The following PDE4D variants were observed in gnomAD, a reference collection of about 807,000 sequenced individuals.
The protein encoded by PDE4D is phosphodiesterase 4D.
PDE4D carries 24 observed loss-of-function variants against 87.4 expected under a neutral mutation model. The ratio of observed to expected loss-of-function variants is 0.27; its 90% confidence interval spans 0.20 to 0.39. The LOEUF (loss-of-function observed/expected upper bound fraction) is 0.39, where lower values mean the gene tolerates loss of function less well. Among genes scored for constraint, PDE4D ranks in the 10% least tolerant of loss-of-function variants. PDE4D has a pLI of 1.00. For missense variants in PDE4D, 714 were observed against 1,041.0 expected (o/e 0.69, Z 4.32); for synonymous variants, 384 against 383.2 (o/e 1.00, Z -0.02).
Position 60,393,350 on chromosome 5 carries a change from G to A in PDE4D, c.-90+94592C>T, listed in dbSNP as rs549584976. The stretch of plus-strand genomic sequence containing the variant: ...TAAGCCAAGAGAGTCTTTAAGCATC[G>A]CACATTGTGTCCAATACTTGAGGTG... On this transcript the variant is annotated intron_variant, in intron 1 of 16. Transcript: ENST00000502484. Among the ~76,000 whole-genome samples the A allele has an allele frequency of 2.6e-5, 4 of 152,210 alleles. No individual in the cohort carries two copies. In the South Asian group the frequency reaches 6.2e-4, roughly 24 times the overall value.
intron 13 of PDE4D, 99 bp downstream of exon 13, chr5:58,976,251 G>A (rs1743755178): frequency 1.6e-6 from 2 of 1,273,608 alleles, no homozygotes; most frequent in Non-Finnish European, 1.1e-6. Flanking sequence ...AGTATAAGGT[G>A]GGAGAAGGAA....
intron 1 of PDE4D, chr5:59,768,191 C>T: frequency 6.3e-7 from 1 of 1,579,160 alleles, no homozygotes. Flanking sequence ...GGCGCGAGAG[C>T]AGGACTCCCT....
intron 1 of PDE4D, among the ~76,000 whole-genome samples, chr5:59,322,085 A>G (rs1774822600): frequency 6.6e-6 from 1 of 152,162 alleles, no homozygotes; most frequent in African/African-American, 2.4e-5. Flanking sequence ...AATCTTAGGA[A>G]AATTATGCCT....
chr5:59,967,903 A>C (rs985014777), intron 3 of PDE4D, among the ~76,000 whole-genome samples: 1 of 152,018 alleles, frequency 6.6e-6, no homozygotes, highest in African/African-American at 2.4e-5. Flanking sequence ...ATACTATAGA[A>C]TACTATGCAA....
chr5:59,140,506 T>G (rs1244794451), intron 5 of PDE4D, among the ~76,000 whole-genome samples: 1 of 152,192 alleles, frequency 6.6e-6, no homozygotes, highest in African/African-American at 2.4e-5. Flanking sequence ...AAATACAGAT[T>G]CTTATGTACA....
At chr5:60,416,228 A>G (rs1742535101) in intron 1 of PDE4D, among the ~76,000 whole-genome samples, 1 of 152,196 alleles carries the variant, frequency 6.6e-6, no homozygotes, top group Non-Finnish European at 1.5e-5. Context: ...AAAACAGACC[A>G]ATCAGCTCTC....
chr5:59,697,522 C>T (rs767862417), intron 1 of PDE4D, among the ~76,000 whole-genome samples: 6 of 152,170 alleles, frequency 3.9e-5, no homozygotes, highest in Middle Eastern at 3.2e-3. Context: ...GCACTACATA[C>T]ACCAACACTT....
chr5:59,280,649 G>A (rs1328676369), intron 1 of PDE4D, among the ~76,000 whole-genome samples: 1 of 151,966 alleles, frequency 6.6e-6, no homozygotes, highest in Non-Finnish European at 1.5e-5. Flanking sequence ...TGTAAATAAT[G>A]TAAACAAAGA....
chr5:59,629,260 C>T (rs1334753602), intron 1 of PDE4D, among the ~76,000 whole-genome samples: 1 of 152,012 alleles, frequency 6.6e-6, no homozygotes, highest in African/African-American at 2.4e-5. Flanking sequence ...ATGTTGAAGC[C>T]TAACCTCTCA....
Position 59,180,660 on chromosome 5 carries a change from A to T in PDE4D, c.759-16T>A. ...GGGTGATCTTCTGACAAAGACAGAAAAACACAAAGCAGTAAATATGTGGGG... is the reference window on the plus strand; with the variant it reads ...GGGTGATCTTCTGACAAAGACAGAATAACACAAAGCAGTAAATATGTGGGG... On this transcript the variant is annotated splice_polypyrimidine_tract_variant and intron_variant, in intron 4 of 14. Transcript: ENST00000340635. 1 of 1,611,656 alleles carries T rather than the reference A, an allele frequency of 6.2e-7. No homozygotes were observed. The highest frequency in any genetic ancestry group is 1.1e-5 in the South Asian group (1 of 90,616).
chr5:59,749,531 G>A lies in PDE4D; in HGVS notation c.455+143637C>T, dbSNP rs374912969. ...CGCCCAAAGTGCTGGGATTACAGCC[G>A]TGAGCCACCATGCCCAGCCACTTAT... On this transcript the variant is annotated intron_variant, in intron 1 of 14. Transcript: ENST00000340635. Among the ~76,000 whole-genome samples the A allele has an allele frequency of 2.6e-4, 40 of 152,190 alleles. 1 individual carries two copies. In the South Asian group the frequency reaches 5.0e-3, roughly 19 times the overall value.
chr5:59,275,304 A>G, intron 1 of PDE4D: 1 of 1,544,480 alleles, frequency 6.5e-7, no homozygotes, highest in Non-Finnish European at 8.8e-7. Context: ...CTTAAAAGAG[A>G]AAAGGGGAAA....
At chr5:59,669,820 T>C (rs1434934826) in intron 1 of PDE4D, among the ~76,000 whole-genome samples, 4 of 152,314 alleles carry the variant, frequency 2.6e-5, no homozygotes, top group African/African-American at 9.6e-5. Flanking sequence ...TTTCTTCCTT[T>C]TTCACTTGAG....
chr5:60,472,737 T>TTG, intron 1 of PDE4D, among the ~76,000 whole-genome samples: 1 of 152,188 alleles, frequency 6.6e-6, no homozygotes, highest in Admixed American at 6.5e-5. Context: ...TTTTTCAACT[T>TTG]TGTGATGCTG....
At chr5:60,255,888 A>G (rs1748999923) in intron 1 of PDE4D, among the ~76,000 whole-genome samples, 1 of 151,914 alleles carries the variant, frequency 6.6e-6, no homozygotes, top group African/African-American at 2.4e-5. Flanking sequence ...CTGGCAAATG[A>G]TTCCTCAAAC....
chr5:59,090,444 G>C (rs1290694204), intron 5 of PDE4D, among the ~76,000 whole-genome samples: 1 of 152,112 alleles, frequency 6.6e-6, no homozygotes, highest in Non-Finnish European at 1.5e-5. Context: ...AGAGGATGTT[G>C]ATTCACTTGT....
At chr5:59,550,274 C>T (rs913084731) in intron 1 of PDE4D, among the ~76,000 whole-genome samples, 2 of 151,942 alleles carry the variant, frequency 1.3e-5, no homozygotes, top group African/African-American at 4.8e-5. Flanking sequence ...TGCTAATTCC[C>T]GCTGCTGAAT....
intron 1 of PDE4D, among the ~76,000 whole-genome samples, chr5:59,645,926 G>C (rs1263912728): frequency 6.6e-6 from 1 of 152,026 alleles, no homozygotes. Context: ...TTATACTAGA[G>C]AAAAGACTGC....
intron 1 of PDE4D, among the ~76,000 whole-genome samples, chr5:59,552,226 G>C (rs372976000): frequency 5.9e-4 from 90 of 151,954 alleles, no homozygotes; most frequent in African/African-American, 2.1e-3. Context: ...AAATAAAGAG[G>C]TATTTTATTT....
Sources: gnomAD v4.1 joint callset for allele counts (sites outside exome capture counted in the v4.1 genomes callset) on GRCh38, gnomAD v4.1.1 for gene constraint, MANE v1.5 for transcripts, NCBI Gene and HGNC (gene_info 2026-07-23, HGNC 2026-07-21) for gene names.